GUCY2C: variants seen among roughly 807,000 people sequenced by gnomAD.
GUCY2C encodes the protein guanylate cyclase 2C, also known as guanylyl cyclase C.
GUCY2C carries 118 observed loss-of-function variants against 131.1 expected under a neutral mutation model. The observed-to-expected ratio is 0.90, with a 90% CI of 0.78 to 1.05. GUCY2C has a LOEUF of 1.05. GUCY2C is among the 50% of genes least tolerant of loss of function. The pLI is 0.00. For missense variants in GUCY2C, 1,161 were observed against 1,304.4 expected, an observed-to-expected ratio of 0.89 and a Z score of 1.69; for synonymous variants, 452 against 457.8, an observed-to-expected ratio of 0.99 and a Z score of 0.16.
At chr12:14,640,404 C>G (rs899166343) in intron 18 of GUCY2C, among the ~76,000 whole-genome samples, 6 of 146,792 alleles carry the variant, frequency 4.1e-5, no homozygotes, top group African/African-American at 1.5e-4. Flanking sequence ...TTGCAATGAG[C>G]CAAGATCACA....
chr12:14,662,675 CAAAA>C (rs35153087), intron 10 of GUCY2C, among the ~76,000 whole-genome samples: 1 of 72,078 alleles, frequency 1.4e-5, no homozygotes, highest in Admixed American at 1.3e-4. Flanking sequence ...GACTCCGTCT[CAAAA>C]AAAAAAAAAA....
At chr12:14,657,079 C>T (rs1947777750) in intron 11 of GUCY2C, among the ~76,000 whole-genome samples, 1 of 152,258 alleles carries the variant, frequency 6.6e-6, no homozygotes, top group Non-Finnish European at 1.5e-5. Flanking sequence ...CCGCTGCTCA[C>T]CTCCTGCTGT....
At chr12:14,682,966 A>G in intron 4 of GUCY2C, 76 bp downstream of exon 4, 1 of 928,880 alleles carries the variant, frequency 1.1e-6, no homozygotes, top group South Asian at 1.4e-5. Context: ...GCATCTGGTA[A>G]TAACTAGGTG....
At chr12:14,654,660 A>C (rs1383556559) in intron 12 of GUCY2C, among the ~76,000 whole-genome samples, 4 of 152,200 alleles carry the variant, frequency 2.6e-5, no homozygotes, top group Non-Finnish European at 5.9e-5. Context: ...ATACGGTGAC[A>C]CATGTTTTGG....
chr12:14,616,968 C>T (rs1278355116), intron 24 of GUCY2C, among the ~76,000 whole-genome samples: 1 of 152,144 alleles, frequency 6.6e-6, no homozygotes, highest in East Asian at 1.9e-4. Flanking sequence ...GGAGTCCTGG[C>T]CCCCGACCAG....
intron 19 of GUCY2C, among the ~76,000 whole-genome samples, chr12:14,630,967 G>A (rs888165): frequency 0.83 from 126,586 of 152,102 alleles, 57,118 homozygotes; most frequent in East Asian, 0.99. Context: ...CCTGGAATTC[G>A]GAAAAGCAGG....
At position 14,618,618 on chromosome 12, in the gene GUCY2C, T is replaced by A. The variant is rs757826635; in HGVS notation, c.2875+593A>T. On this transcript the variant is annotated intron_variant, in intron 24 of 26. Coordinates refer to ENST00000261170, the MANE Select transcript of GUCY2C (RefSeq NM_004963.4). ...GAGTTTGAGACCAGCCTGGGCAACA[T>A]AGTGAGACCCAGTCTCTATTAAAAA... is the stretch of plus-strand genomic sequence containing the variant. 2.0e-5 allele frequency among the ~76,000 whole-genome samples: 3 copies of A among 152,012 alleles called. No individual in the cohort carries two copies. The East Asian group carries it at 5.8e-4, about 29-fold the overall frequency.
At chr12:14,650,406 C>T (rs1297699245) in intron 15 of GUCY2C, among the ~76,000 whole-genome samples, 3 of 152,172 alleles carry the variant, frequency 2.0e-5, no homozygotes, top group Non-Finnish European at 4.4e-5. Flanking sequence ...CACCACCATG[C>T]CCAGCTAATT....
intron 1 of GUCY2C, among the ~76,000 whole-genome samples, 167 bp from the exon 2 acceptor site, chr12:14,688,230 C>G (rs957690902): frequency 6.6e-6 from 1 of 151,910 alleles, no homozygotes; most frequent in Non-Finnish European, 1.5e-5. Flanking sequence ...CTCTGTGTGT[C>G]TCTGTCTCTC....
At position 14,685,065 on chromosome 12, in the gene GUCY2C, T is replaced by C. The variant is rs1948444709; in HGVS notation, c.395+1096A>G. 3.3e-5 allele frequency among the ~76,000 whole-genome samples: 5 copies of C among 152,124 alleles called. No individual in the cohort carries two copies. The South Asian group carries it at 1.0e-3, about 31-fold the overall frequency. Reference sequence around the variant, plus strand: ...GGAGAGTCCTTGTCACCTTCTCTATTTGGGTGGACAGGGGCTGTGTTTTAC... The same window carrying C: ...GGAGAGTCCTTGTCACCTTCTCTATCTGGGTGGACAGGGGCTGTGTTTTAC... On this transcript the variant is annotated intron_variant, in intron 3 of 26. Coordinates refer to ENST00000261170, the MANE Select transcript of GUCY2C (RefSeq NM_004963.4).
At chr12:14,672,325 C>T (rs754306157) in intron 9 of GUCY2C, 1 of 151,946 alleles carries the variant, frequency 6.6e-6, no homozygotes, top group Admixed American at 6.6e-5. Flanking sequence ...GTGAGTAGAC[C>T]ACTTATTTTC....
intron 14 of GUCY2C, among the ~76,000 whole-genome samples, 180 bp from the exon 15 acceptor site, chr12:14,651,691 C>T (rs937564063): frequency 5.9e-5 from 9 of 152,212 alleles, no homozygotes; most frequent in African/African-American, 2.2e-4. Flanking sequence ...AACAAACTTT[C>T]CTTTGTCAGT....
chr12:14,634,466 A>G (rs1174530701), intron 19 of GUCY2C, among the ~76,000 whole-genome samples: 1 of 152,232 alleles, frequency 6.6e-6, no homozygotes, highest in Non-Finnish European at 1.5e-5. Flanking sequence ...TAGTAAAGCA[A>G]TCACACAAAG....
Position 14,612,973 on chromosome 12 carries a change from C to T in GUCY2C, c.*144G>A. 1.5e-6 allele frequency: 1 copy of T among 655,548 alleles called. No homozygotes were observed. Among genetic ancestry groups the T allele is most frequent in the Non-Finnish European group, 2.7e-6 (1 of 368,100 alleles). 40.6% of individuals were successfully genotyped at this position (655,548 alleles called of 1,614,324 possible). On this transcript the variant is annotated 3_prime_UTR_variant, in exon 27 of 27. Transcript: ENST00000261170. ...CACATCTGATTCATGCAAGAAAGTC[C>T]ATGTTCCAGACAGGGCAGCCAAGCC...
intron 16 of GUCY2C, 137 bp downstream of exon 16, chr12:14,645,092 A>G (rs1429734160): frequency 3.7e-6 from 2 of 543,814 alleles, no homozygotes; most frequent in East Asian, 6.1e-5. Flanking sequence ...TCATAACCTA[A>G]AATCCTACAA....
chr12:14,629,105 A>T (rs1592086357), intron 19 of GUCY2C, among the ~76,000 whole-genome samples: 1 of 152,170 alleles, frequency 6.6e-6, no homozygotes, highest in East Asian at 1.9e-4. Context: ...TGAGTGGTTA[A>T]GTTAAATATT....
chr12:14,627,579 C>G (rs1947050574), intron 20 of GUCY2C, among the ~76,000 whole-genome samples: 1 of 152,146 alleles, frequency 6.6e-6, no homozygotes, highest in South Asian at 2.1e-4. Flanking sequence ...GTACCCCAGA[C>G]CAATTACATC....
intron 2 of GUCY2C, among the ~76,000 whole-genome samples, chr12:14,686,768 G>C (rs751430544): frequency 6.6e-6 from 1 of 152,208 alleles, no homozygotes; most frequent in Non-Finnish European, 1.5e-5. Context: ...TGTAGAGGCA[G>C]AGAAAAGCAG....
chr12:14,634,451 C>T (rs944814888), intron 19 of GUCY2C, among the ~76,000 whole-genome samples: 2 of 152,180 alleles, frequency 1.3e-5, no homozygotes, highest in Admixed American at 1.3e-4. Flanking sequence ...AAGTATGAAA[C>T]CCACTAGTAA....
Sources: allele counts gnomAD v4.1 joint callset (sites outside exome capture counted in the v4.1 genomes callset), GRCh38; gene constraint gnomAD v4.1.1; transcripts MANE v1.5; gene names NCBI Gene and HGNC (gene_info 2026-07-23, HGNC 2026-07-21).